The following KLHL1 variants were observed in gnomAD, a reference collection of about 807,000 sequenced individuals.
The protein encoded by KLHL1 is kelch-like protein 1.
In KLHL1, 47 loss-of-function variants were observed where a neutral mutation model predicts 77.7. That is an observed-to-expected ratio of 0.60 (90% CI 0.48 to 0.77). The LOEUF is 0.77. Among genes scored for constraint, KLHL1 ranks in the 30% least tolerant of loss-of-function variants. The pLI is 0.00. For synonymous variants in KLHL1, 360 were observed against 325.2 expected, an observed-to-expected ratio of 1.11 and a Z score of -1.15; for missense variants, 925 against 910.8, an observed-to-expected ratio of 1.02 and a Z score of -0.20.
At chr13:70,074,426 A>C (rs1188627171) in intron 1 of KLHL1, among the ~76,000 whole-genome samples, 2 of 152,006 alleles carry the variant, frequency 1.3e-5, no homozygotes, top group Non-Finnish European at 2.9e-5. Context: ...CTCTTAGATA[A>C]CTTAAAAGTG....
At chr13:69,885,018 G>T (rs1417576525) in intron 4 of KLHL1, among the ~76,000 whole-genome samples, 1 of 140,234 alleles carries the variant, frequency 7.1e-6, no homozygotes, top group Admixed American at 7.2e-5. Flanking sequence ...TCGGCTCACT[G>T]CAAGCTCCGC....
At chr13:69,717,489 T>C (rs1872819791) in intron 9 of KLHL1, among the ~76,000 whole-genome samples, 1 of 152,178 alleles carries the variant, frequency 6.6e-6, no homozygotes, top group African/African-American at 2.4e-5. Flanking sequence ...TGCACTCCTA[T>C]AACTCAAAAT....
chr13:69,730,219 C>T (rs1194947229), intron 8 of KLHL1, among the ~76,000 whole-genome samples: 1 of 151,840 alleles, frequency 6.6e-6, no homozygotes, highest in Non-Finnish European at 1.5e-5. Context: ...AGCTATAATG[C>T]AAGCTAATTA....
intron 1 of KLHL1, among the ~76,000 whole-genome samples, chr13:70,039,592 T>A (rs551712178): frequency 2.2e-4 from 34 of 152,110 alleles, no homozygotes; most frequent in African/African-American, 7.9e-4. Context: ...CTCTGATTTT[T>A]ATTTCTCTGT....
At chr13:69,763,659 C>T (rs564372276) in intron 7 of KLHL1, among the ~76,000 whole-genome samples, 1 of 152,168 alleles carries the variant, frequency 6.6e-6, no homozygotes, top group South Asian at 2.1e-4. Context: ...CACACTCTCA[C>T]CTAGGTGAGA....
At chr13:69,898,393 G>T (rs1401991748) in intron 4 of KLHL1, among the ~76,000 whole-genome samples, 2 of 152,176 alleles carry the variant, frequency 1.3e-5, no homozygotes, top group Non-Finnish European at 2.9e-5. Flanking sequence ...TTAATGGAGA[G>T]GTGGAAAGAA....
chr13:69,754,283 T>C (rs192514000), intron 7 of KLHL1, among the ~76,000 whole-genome samples: 2 of 152,286 alleles, frequency 1.3e-5, no homozygotes, highest in Admixed American at 1.3e-4. Flanking sequence ...CAAAAATATA[T>C]TATCACATAT....
rs543050881 is a variant in KLHL1 at position 69,783,478 on chromosome 13, T to A, written c.1639+13260A>T. The stretch of plus-strand genomic sequence containing the variant: ...AGAATAACCAAAGCAGAGAAGTCCT[T>A]AAAGGAGCTGATGGAGCTGAAAGCC... On this transcript the variant is annotated intron_variant, in intron 7 of 10. Coordinates refer to ENST00000377844, the MANE Select transcript of KLHL1 (RefSeq NM_020866.3). 9.9e-5 allele frequency among the ~76,000 whole-genome samples: 15 copies of A among 152,068 alleles called. 1 individual carries two copies. The highest frequency in any genetic ancestry group is 3.4e-3 in the Middle Eastern group (1 of 294).
In KLHL1 at chr13:70,080,254, C is replaced by T. The variant is rs546581857; in HGVS notation, c.497+26949G>A. On this transcript the variant is annotated intron_variant, in intron 1 of 10. Coordinates refer to ENST00000377844, the MANE Select transcript of KLHL1 (RefSeq NM_020866.3). ...AGGAGCATGCCAACGTGGCTTGGCT[C>T]TTTTTAAAGACACCTGTCAACACTT... Among the ~76,000 whole-genome samples, 3 of 152,212 alleles carry T rather than the reference C, an allele frequency of 2.0e-5. No individual in the cohort carries two copies. In the East Asian group the frequency reaches 5.8e-4, roughly 30 times the overall value.
chr13:69,865,069 C>T (rs1204485532), intron 5 of KLHL1, among the ~76,000 whole-genome samples: 1 of 152,084 alleles, frequency 6.6e-6, no homozygotes, highest in Non-Finnish European at 1.5e-5. Context: ...GCCTCAGCCT[C>T]CTGAGTAGCT....
At chr13:69,715,530 T>G in intron 9 of KLHL1, among the ~76,000 whole-genome samples, 1 of 151,814 alleles carries the variant, frequency 6.6e-6, no homozygotes, top group Middle Eastern at 3.2e-3. Flanking sequence ...TATTTATTTT[T>G]TTTTTTTTGA....
chr13:70,049,915 A>G (rs1003859418), intron 1 of KLHL1, among the ~76,000 whole-genome samples: 3 of 152,102 alleles, frequency 2.0e-5, no homozygotes, highest in African/African-American at 7.2e-5. Context: ...TTATTCCCAG[A>G]TACATCTAAA....
intron 4 of KLHL1, among the ~76,000 whole-genome samples, chr13:69,917,193 T>C (rs1452277362): frequency 6.6e-6 from 1 of 151,976 alleles, no homozygotes; most frequent in African/African-American, 2.4e-5. Flanking sequence ...AGTAGAGTTA[T>C]CTGTATATTC....
chr13:69,931,053 A>G (rs898248104), intron 4 of KLHL1, among the ~76,000 whole-genome samples: 2 of 148,228 alleles, frequency 1.3e-5, no homozygotes, highest in African/African-American at 5.2e-5. Flanking sequence ...TCTTACCCAT[A>G]TATCAGACGT....
intron 4 of KLHL1, among the ~76,000 whole-genome samples, chr13:69,909,553 C>G (rs1212285346): frequency 6.6e-6 from 1 of 151,546 alleles, no homozygotes; most frequent in African/African-American, 2.4e-5. Flanking sequence ...TTAAAAAAAT[C>G]AAAAGTCCAG....
chr13:70,001,515 C>T (rs996290411), intron 1 of KLHL1, among the ~76,000 whole-genome samples: 1 of 151,006 alleles, frequency 6.6e-6, no homozygotes, highest in Admixed American at 6.6e-5. Context: ...TACCTTATTC[C>T]AAGTATGATT....
At chr13:70,036,023 T>C (rs911360381) in intron 1 of KLHL1, among the ~76,000 whole-genome samples, 3 of 152,038 alleles carry the variant, frequency 2.0e-5, no homozygotes, top group African/African-American at 7.2e-5. Context: ...ATCAACACAC[T>C]GAATAATTTC....
intron 1 of KLHL1, among the ~76,000 whole-genome samples, chr13:70,070,989 A>G (rs1887125190): frequency 1.3e-5 from 2 of 152,060 alleles, no homozygotes; most frequent in Admixed American, 1.3e-4. Context: ...GGCACAAAAA[A>G]TCGGAAGACA....
intron 7 of KLHL1, among the ~76,000 whole-genome samples, chr13:69,768,075 T>C (rs1431079902): frequency 6.6e-6 from 1 of 152,218 alleles, no homozygotes; most frequent in Admixed American, 6.5e-5. Context: ...ATATTTCTTA[T>C]GTTGCACTCT....
Sources: gnomAD v4.1 joint callset for allele counts (sites outside exome capture counted in the v4.1 genomes callset) on GRCh38, gnomAD v4.1.1 for gene constraint, MANE v1.5 for transcripts, NCBI Gene and HGNC (gene_info 2026-07-23, HGNC 2026-07-21) for gene names.